The following NME7 variants were observed in gnomAD, a reference collection of about 807,000 sequenced individuals.
NME7 encodes the protein nucleoside diphosphate kinase 7.
A neutral mutation model predicts 49.1 loss-of-function variants in NME7; 41 were observed. The observed-to-expected ratio is 0.83, with a 90% confidence interval of 0.65 to 1.08. NME7 has a LOEUF of 1.08. Ranked by LOEUF, NME7 falls within the 50% of genes least tolerant of loss-of-function variation. The pLI, the probability that NME7 is intolerant of heterozygous loss-of-function variation, is 0.00. For missense variants in NME7, 423 were observed against 463.4 expected (o/e 0.91, Z 0.80); for synonymous variants, 139 against 150.6 (o/e 0.92, Z 0.56).
intron 10 of NME7, among the ~76,000 whole-genome samples, chr1:169,188,448 A>C (rs1457672362): frequency 1.3e-5 from 2 of 152,316 alleles, no homozygotes; most frequent in East Asian, 3.9e-4. Flanking sequence ...GAATGAGTTC[A>C]GGTCCTGCCT....
intron 10 of NME7, among the ~76,000 whole-genome samples, chr1:169,197,984 T>TAACATATAA (rs1660435855): frequency 1.3e-5 from 2 of 152,018 alleles, no homozygotes; most frequent in Non-Finnish European, 2.9e-5. Flanking sequence ...GGACTTTTAT[T>TAACATATAA]GATAACATAT....
intron 7 of NME7, chr1:169,284,726 T>A (rs1471785659): frequency 6.6e-6 from 1 of 152,208 alleles, no homozygotes; most frequent in Non-Finnish European, 1.5e-5. Flanking sequence ...GGTTTTACAT[T>A]TAAGTCTTTA....
chr1:169,169,404 T>A, intron 11 of NME7, 43 bp downstream of exon 11: 1 of 1,530,344 alleles, frequency 6.5e-7, no homozygotes, highest in South Asian at 1.2e-5. Context: ...AGATAATTTA[T>A]GAGCTTGAAA....
intron 10 of NME7, among the ~76,000 whole-genome samples, chr1:169,196,535 G>A (rs1004255008): frequency 3.9e-5 from 6 of 152,130 alleles, no homozygotes; most frequent in Admixed American, 6.5e-5. Context: ...ATACATGGTT[G>A]AATAAATAAA....
rs187520795 is a variant in NME7, at chr1:169,264,408, A to T, written c.754+22895T>A. Among the ~76,000 whole-genome samples, 2 of 134,226 alleles carry T rather than the reference A, an allele frequency of 1.5e-5. 1 individual carries two copies. The highest frequency in any genetic ancestry group is 3.5e-5 in the Non-Finnish European group (2 of 56,952). 88.1% of individuals were successfully genotyped at this position (134,226 alleles called of 152,430 possible). A position where few individuals can be genotyped will look rare whatever the true frequency, so the allele number is the denominator to read the frequency against. ...AAACAGAAATAGAGACAAATCTACC[A>T]AACAAACGGAAAACAGAAAAAAGCA... On this transcript the variant is annotated intron_variant, in intron 7 of 11. Transcript: ENST00000367811.
chr1:169,277,897 C>G (rs1253274664), intron 7 of NME7, among the ~76,000 whole-genome samples: 26 of 138,118 alleles, frequency 1.9e-4, no homozygotes, highest in Admixed American at 9.6e-4. Flanking sequence ...GACAAAATCT[C>G]TCAGCATTTG....
chr1:169,179,771 A>G (rs1241934760), intron 10 of NME7, among the ~76,000 whole-genome samples: 1 of 152,168 alleles, frequency 6.6e-6, no homozygotes, highest in African/African-American at 2.4e-5. Context: ...ACACAGGGAC[A>G]CATGGAGGGG....
At chr1:169,316,737 C>T (rs1031457738) in intron 3 of NME7, among the ~76,000 whole-genome samples, 3 of 152,142 alleles carry the variant, frequency 2.0e-5, no homozygotes, top group African/African-American at 7.2e-5. Context: ...ATGTGGATGG[C>T]TTCAAGATGT....
intron 11 of NME7, among the ~76,000 whole-genome samples, chr1:169,145,168 ATG>A (rs1456751364): frequency 5.9e-5 from 9 of 152,232 alleles, no homozygotes; most frequent in Non-Finnish European, 1.2e-4. Context: ...ACGGAAAGAT[ATG>A]TACACTGATA....
rs544640098 is a variant in NME7, at chr1:169,176,209, T to C, written c.991-6655A>G. Among the ~76,000 whole-genome samples the C allele has an allele frequency of 4.6e-5, 7 of 152,242 alleles. No individual in the cohort carries two copies. The East Asian group carries it at 1.3e-3, about 29-fold the overall frequency. ...TGAAAGATGGGGAAGGAATTGGAAG[T>C]AGAAAAGGAAGCCAGGGAGAGACCC... On this transcript the variant is annotated intron_variant, in intron 10 of 11. Coordinates refer to ENST00000367811, the MANE Select transcript of NME7 (RefSeq NM_013330.5).
At chr1:169,167,329 T>C (rs1273023439) in intron 11 of NME7, among the ~76,000 whole-genome samples, 2 of 152,152 alleles carry the variant, frequency 1.3e-5, no homozygotes, top group African/African-American at 2.4e-5. Flanking sequence ...GGCTTTTCTA[T>C]GTACAACTTC....
chr1:169,275,029 T>A (rs1190175532), intron 7 of NME7, among the ~76,000 whole-genome samples: 1 of 132,816 alleles, frequency 7.5e-6, no homozygotes, highest in Admixed American at 7.5e-5. Flanking sequence ...TTGATGGGGA[T>A]GGCATTGAAT....
chr1:169,203,140 A>T (rs925830100), intron 10 of NME7, among the ~76,000 whole-genome samples: 1 of 152,108 alleles, frequency 6.6e-6, no homozygotes, highest in African/African-American at 2.4e-5. Context: ...GGAAAATTCC[A>T]TCCCCTGACA....
At chr1:169,330,545 G>A (rs1166924717) in intron 1 of NME7, among the ~76,000 whole-genome samples, 1 of 152,116 alleles carries the variant, frequency 6.6e-6, no homozygotes, top group Non-Finnish European at 1.5e-5. Context: ...CAGGCATGGT[G>A]GCAGGCGCCT....
In NME7 at chr1:169,310,050, T is replaced by C. The variant is rs143018147; in HGVS notation, c.309A>G (p.Ile103Met). Residue 103 changes from isoleucine to methionine, a missense_variant, in exon 4 of 12, where the codon ATA becomes ATG. Coordinates refer to ENST00000367811, the MANE Select transcript of NME7 (RefSeq NM_013330.5). Reference sequence around the variant, plus strand: ...TTTCAATTATTTCTCCAGCCTTTGATATTGCATCTGGTTTAATTAGGGCTA... The same window carrying C: ...TTTCAATTATTTCTCCAGCCTTTGACATTGCATCTGGTTTAATTAGGGCTA... ...KTLALIKPDA[I>M]SKAGEIIEII... 8 of 1,608,700 alleles carry C rather than the reference T, an allele frequency of 5.0e-6. No homozygotes were observed. Among genetic ancestry groups the C allele is most frequent in the Non-Finnish European group, 6.8e-6 (8 of 1,177,696 alleles).
At chr1:169,189,948 C>T (rs186623728) in intron 10 of NME7, among the ~76,000 whole-genome samples, 25 of 152,018 alleles carry the variant, frequency 1.6e-4, no homozygotes, top group Admixed American at 1.2e-3. Flanking sequence ...TATTAATGTA[C>T]GTCAGGAGCC....
At chr1:169,137,521 G>A (rs980326537) in intron 11 of NME7, among the ~76,000 whole-genome samples, 3 of 152,294 alleles carry the variant, frequency 2.0e-5, no homozygotes, top group Non-Finnish European at 4.4e-5. Context: ...CAGACTCAGC[G>A]GGCATGGAAC....
intron 5 of NME7, among the ~76,000 whole-genome samples, chr1:169,299,517 T>C (rs181197117): frequency 2.0e-5 from 3 of 152,272 alleles, no homozygotes; most frequent in African/African-American, 7.2e-5. Flanking sequence ...CTGACTATAT[T>C]AAGCAGGGAC....
rs77032965 is a variant in NME7 at position 169,236,344 on chromosome 1, C to G, written c.820-1145G>C. Among the ~76,000 whole-genome samples, 999 of 152,220 alleles carry G rather than the reference C, an allele frequency of 6.6e-3. 4 individuals are homozygous for G. The highest frequency in any genetic ancestry group is 0.023 in the African/African-American group (961 of 41,564). Reference sequence around the variant, plus strand: ...CCAAGGCCACATGCCTAGAAAACAGCTGACCCAAGATTCAGAAATAGATCT... The same window carrying G: ...CCAAGGCCACATGCCTAGAAAACAGGTGACCCAAGATTCAGAAATAGATCT... On this transcript the variant is annotated intron_variant, in intron 8 of 11. Transcript: ENST00000367811.
Sources: allele counts gnomAD v4.1 joint callset (sites outside exome capture counted in the v4.1 genomes callset), GRCh38; gene constraint gnomAD v4.1.1; transcripts MANE v1.5; gene names NCBI Gene and HGNC (gene_info 2026-07-23, HGNC 2026-07-21).